BRAF: variants seen among roughly 807,000 people sequenced by gnomAD.
BRAF encodes B-Raf proto-oncogene, serine/threonine kinase.
In BRAF, 16 loss-of-function variants were observed where a neutral mutation model predicts 104.6. That is an observed-to-expected ratio of 0.15 (90% CI 0.10 to 0.23). The LOEUF is 0.23. Ranked by LOEUF, BRAF falls within the 10% of genes least tolerant of loss-of-function variation. The pLI, the probability that BRAF is intolerant of heterozygous loss-of-function variation, is 1.00. For synonymous variants in BRAF, 310 were observed against 341.6 expected, an observed-to-expected ratio of 0.91 and a Z score of 1.02; for missense variants, 541 against 937.3, an observed-to-expected ratio of 0.58 and a Z score of 5.52.
intron 1 of BRAF, among the ~76,000 whole-genome samples, chr7:140,890,902 G>A (rs1012861684): frequency 2.0e-5 from 3 of 152,176 alleles, no homozygotes; most frequent in African/African-American, 7.2e-5. Context: ...TGCAGTCTAA[G>A]CAACAGTTTA....
Position 140,913,648 on chromosome 7 carries a change from A to C in BRAF, c.138+10918T>G, listed in dbSNP as rs569493050. Reference sequence around the variant, plus strand: ...CAGGCACATGCCACCAGGCCCAGCTAATTTTTTGTATATTTAGTAGAGACG... The same window carrying C: ...CAGGCACATGCCACCAGGCCCAGCTCATTTTTTGTATATTTAGTAGAGACG... On this transcript the variant is annotated intron_variant, in intron 1 of 19. Coordinates refer to ENST00000644969, the MANE Select transcript of BRAF (RefSeq NM_001374258.1). Among the ~76,000 whole-genome samples, 3 of 151,902 alleles carry C rather than the reference A, an allele frequency of 2.0e-5. No individual in the cohort carries two copies. The South Asian group carries it at 6.2e-4, about 32-fold the overall frequency.
Position 140,721,342 on chromosome 7 carries a change from T to C in BRAF, c.*5152A>G, listed in dbSNP as rs968477396. ...TTACCTTAATTTAAGATTTTAGGAGTTGGGTTTCTGTCCTTTTCCACATTA... is the reference window on the plus strand; with the variant it reads ...TTACCTTAATTTAAGATTTTAGGAGCTGGGTTTCTGTCCTTTTCCACATTA... On this transcript the variant is annotated 3_prime_UTR_variant, in exon 20 of 20. Coordinates refer to ENST00000644969, the MANE Select transcript of BRAF (RefSeq NM_001374258.1). 7 of 1,206,856 alleles carry C rather than the reference T, an allele frequency of 5.8e-6. No individual in the cohort carries two copies. Among genetic ancestry groups the C allele is most frequent in the East Asian group, 3.3e-5 (1 of 29,900 alleles). 74.8% of individuals were successfully genotyped at this position (1,206,856 alleles called of 1,614,324 possible). A position where few individuals can be genotyped will look rare whatever the true frequency, so the allele number is the denominator to read the frequency against.
chr7:140,819,722 A>C (rs939515839), intron 3 of BRAF, among the ~76,000 whole-genome samples: 16 of 152,212 alleles, frequency 1.1e-4, no homozygotes, highest in African/African-American at 3.6e-4. Context: ...TAAGTAAAAG[A>C]AGTCAGTCAC....
chr7:140,817,580 T>C (rs541706907), intron 3 of BRAF, among the ~76,000 whole-genome samples: 2 of 152,364 alleles, frequency 1.3e-5, no homozygotes, highest in Admixed American at 6.5e-5. Flanking sequence ...AGCATGGTAC[T>C]GGCATAAAAA....
chr7:140,794,209 G>A (rs1802288656), intron 8 of BRAF, 99 bp downstream of exon 8: 1 of 1,420,894 alleles, frequency 7.0e-7, no homozygotes, highest in Non-Finnish European at 9.8e-7. Flanking sequence ...TGTGATAAAT[G>A]AAAAATGGCA....
intron 1 of BRAF, among the ~76,000 whole-genome samples, chr7:140,860,794 C>T (rs1356458211): frequency 1.3e-5 from 2 of 152,148 alleles, no homozygotes; most frequent in South Asian, 2.1e-4. Context: ...TGAAAGTAAA[C>T]TGGCAATATC....
At chr7:140,786,950 C>T (rs1040640009) in intron 9 of BRAF, among the ~76,000 whole-genome samples, 1 of 152,186 alleles carries the variant, frequency 6.6e-6, no homozygotes, top group African/African-American at 2.4e-5. Context: ...CCATCCTGAA[C>T]GTGTCCGATC....
At chr7:140,847,376 AGTTT>A (rs1180842551) in intron 2 of BRAF, among the ~76,000 whole-genome samples, 2 of 152,146 alleles carry the variant, frequency 1.3e-5, no homozygotes, top group Admixed American at 1.3e-4. Flanking sequence ...TGAGGTCAGG[AGTTT>A]GAGACCAGAC....
chr7:140,813,368 C>T (rs1448370009), intron 3 of BRAF, among the ~76,000 whole-genome samples: 1 of 151,588 alleles, frequency 6.6e-6, no homozygotes, highest in Non-Finnish European at 1.5e-5. Context: ...TGGCAAAAAT[C>T]CAAAAAAAAA....
In BRAF at chr7:140,783,164, T is replaced by C. The variant is rs1480873385; in HGVS notation, c.1298-7A>G. ...GACAAACCTGTGGTTGATCCTAAATTAGTGAAAAGAAAAATGTATACATTA... is the reference window on the plus strand; with the variant it reads ...GACAAACCTGTGGTTGATCCTAAATCAGTGAAAAGAAAAATGTATACATTA... On this transcript the variant is annotated splice_polypyrimidine_tract_variant and splice_region_variant and intron_variant, in intron 10 of 19. Coordinates refer to ENST00000644969, the MANE Select transcript of BRAF (RefSeq NM_001374258.1). 25 of 1,613,686 alleles carry C rather than the reference T, an allele frequency of 1.5e-5. No homozygotes were observed. Among genetic ancestry groups the C allele is most frequent in the Non-Finnish European group, 2.0e-5 (24 of 1,179,870 alleles).
chr7:140,850,152 T>C lies in BRAF; in HGVS notation c.199A>G (p.Lys67Glu). ...GGTGGATTATGCTCCCCACCAAATTTGTCCAATAGGGCCTCTATATGTTCC... is the reference window on the plus strand; with the variant it reads ...GGTGGATTATGCTCCCCACCAAATTCGTCCAATAGGGCCTCTATATGTTCC... ...TQEHIEALLD[K>E]FGGEHNPPSI... Residue 67 changes from lysine to glutamate, a missense_variant, in exon 2 of 20, where the codon AAA becomes GAA. Physicochemically the swap from Lys to Glu is moderately conservative, Grantham distance 56. Around this residue, in one of 10 missense-constraint regions of BRAF, gnomAD observed 86 missense variants for 133.9 expected, o/e 0.64. Coordinates refer to ENST00000644969, the MANE Select transcript of BRAF (RefSeq NM_001374258.1). 1 of 1,612,338 alleles carries C rather than the reference T, an allele frequency of 6.2e-7. No homozygotes were observed.
At chr7:140,845,914 C>T (rs1460799443) in intron 2 of BRAF, among the ~76,000 whole-genome samples, 4 of 152,082 alleles carry the variant, frequency 2.6e-5, no homozygotes, top group South Asian at 2.1e-4. Flanking sequence ...CTCCTGACCT[C>T]GTGATCCGCC....
intron 7 of BRAF, among the ~76,000 whole-genome samples, chr7:140,798,062 T>A (rs1160853192): frequency 6.6e-6 from 1 of 152,078 alleles, no homozygotes; most frequent in Non-Finnish European, 1.5e-5. Flanking sequence ...ACCCATGAGA[T>A]CACCAGAAAG....
At chr7:140,866,151 T>G (rs1476951794) in intron 1 of BRAF, among the ~76,000 whole-genome samples, 1 of 152,214 alleles carries the variant, frequency 6.6e-6, no homozygotes, top group East Asian at 1.9e-4. Context: ...GGAGCAGGAT[T>G]TAAATTGAAG....
intron 5 of BRAF, 146 bp from the exon 6 acceptor site, chr7:140,801,706 A>C (rs960226077): frequency 7.6e-6 from 7 of 924,510 alleles, no homozygotes; most frequent in Non-Finnish European, 9.8e-6. Flanking sequence ...TATAAAATGA[A>C]AACCGGGGGT....
At chr7:140,882,371 C>CTTTTTTTTTTT (rs1232247923) in intron 1 of BRAF, among the ~76,000 whole-genome samples, 1 of 126,646 alleles carries the variant, frequency 7.9e-6, no homozygotes, top group African/African-American at 3.0e-5. Context: ...ATCAAAGTAT[C>CTTTTTTTTTTT]TTTTTTTTTT....
rs545275227 is a variant in BRAF at position 140,758,938 on chromosome 7, C to G, written c.1815-4705G>C. Among the ~76,000 whole-genome samples the G allele has an allele frequency of 1.3e-4, 20 of 152,346 alleles. No homozygotes were observed. In the South Asian group the frequency reaches 4.1e-3, roughly 32 times the overall value. On this transcript the variant is annotated intron_variant, in intron 14 of 19. Transcript: ENST00000644969. ...ACATTTTTGCGATTAGTAACACCCC[C>G]TTTAGGCTTGGGAAACCATTGATAA...
intron 1 of BRAF, among the ~76,000 whole-genome samples, chr7:140,865,226 C>T (rs763032991): frequency 6.6e-6 from 1 of 152,008 alleles, no homozygotes; most frequent in Non-Finnish European, 1.5e-5. Flanking sequence ...ATTACAGGCA[C>T]ACGCCACCAC....
At chr7:140,760,615 CAA>C (rs1798614155) in intron 14 of BRAF, among the ~76,000 whole-genome samples, 1 of 150,772 alleles carries the variant, frequency 6.6e-6, no homozygotes, top group South Asian at 2.1e-4. Context: ...GGAGGGACCC[CAA>C]AAGTTTTTTT....
Sources: allele counts gnomAD v4.1 joint callset (sites outside exome capture counted in the v4.1 genomes callset), GRCh38; gene constraint gnomAD v4.1.1; regional missense constraint gnomAD v4.1.1; transcripts MANE v1.5; gene names NCBI Gene and HGNC (gene_info 2026-07-23, HGNC 2026-07-21).